The following TTC6 variants were observed in gnomAD, a reference collection of about 807,000 sequenced individuals.
TTC6 encodes tetratricopeptide repeat protein 6.
In TTC6, 172 loss-of-function variants were observed where a neutral mutation model predicts 210.4. That is an observed-to-expected ratio of 0.82 (90% confidence interval 0.72 to 0.93). The LOEUF (loss-of-function observed/expected upper bound fraction) is 0.93, where lower values mean the gene tolerates loss of function less well. Among genes scored for constraint, TTC6 ranks in the 40% least tolerant of loss-of-function variants. TTC6 has a pLI of 0.00. For synonymous variants in TTC6, 804 were observed against 819.6 expected (o/e 0.98, Z 0.32); for missense variants, 2,414 against 2,318.1 (o/e 1.04, Z -0.85).
chr14:37,680,095 A>G, intron 1 of TTC6, 56 bp from the exon 4 acceptor site: 2 of 990,026 alleles, frequency 2.0e-6, no homozygotes, highest in South Asian at 3.1e-5. Flanking sequence ...ATAATGAATA[A>G]TGTGCTTCAA....
At chr14:37,714,932 C>G in intron 6 of TTC6, 136 bp downstream of exon 8, 1 of 773,134 alleles carries the variant, frequency 1.3e-6, no homozygotes, top group Non-Finnish European at 2.0e-6. Context: ...AATCCCAGAA[C>G]TTTGGGAGGA....
intron 1 of TTC6, among the ~76,000 whole-genome samples, chr14:37,632,371 C>G (rs921984056): frequency 4.6e-5 from 7 of 152,294 alleles, no homozygotes; most frequent in Non-Finnish European, 1.0e-4. Flanking sequence ...AACAGTGAAG[C>G]CTCCCTGCTG....
rs760489982 is a variant in TTC6, at chr14:37,823,996, G to A, written c.4974+39G>A. ...ATTTTGAGCATTAAAAGCATGTTTT[G>A]GGGAGAAAGAATATATTTGGCTCTT... is the stretch of plus-strand genomic sequence containing the variant. On this transcript the variant is annotated intron_variant, in intron 27 of 30. Transcript: ENST00000553443. The A allele has an allele frequency of 2.5e-6, 4 of 1,578,934 alleles. No individual in the cohort carries two copies. The African/African-American group carries it at 4.1e-5, about 16-fold the overall frequency.
chr14:37,660,390 C>A (rs1253776473), intron 1 of TTC6, among the ~76,000 whole-genome samples: 3 of 152,146 alleles, frequency 2.0e-5, no homozygotes, highest in Non-Finnish European at 2.9e-5. Flanking sequence ...CCACACCTCA[C>A]CCCTGGACAG....
At chr14:37,799,425 C>A (rs1164418041) in intron 20 of TTC6, among the ~76,000 whole-genome samples, 1 of 152,130 alleles carries the variant, frequency 6.6e-6, no homozygotes, top group Admixed American at 6.6e-5. Flanking sequence ...CTGCTGCTCA[C>A]CACAATCTGG....
At chr14:37,792,480 A>C in intron 17 of TTC6, 66 bp downstream of exon 19, 1 of 1,267,494 alleles carries the variant, frequency 7.9e-7, no homozygotes, top group Non-Finnish European at 1.0e-6. Context: ...TTTGTTCAAC[A>C]TAATTTTAAT....
At chr14:37,815,979 T>C (rs2096140555) in intron 25 of TTC6, among the ~76,000 whole-genome samples, 1 of 151,972 alleles carries the variant, frequency 6.6e-6, no homozygotes, top group African/African-American at 2.4e-5. Flanking sequence ...ATGGTCATCC[T>C]TGAAACTTCC....
At chr14:37,684,724 A>G (rs2095790568) in intron 3 of TTC6, among the ~76,000 whole-genome samples, 1 of 152,196 alleles carries the variant, frequency 6.6e-6, no homozygotes, top group African/African-American at 2.4e-5. Context: ...ATCAGTTGTT[A>G]TCCATGAACT....
intron 1 of TTC6, among the ~76,000 whole-genome samples, chr14:37,657,177 A>C (rs1358613660): frequency 1.5e-5 from 2 of 132,376 alleles, no homozygotes; most frequent in Non-Finnish European, 3.1e-5. Flanking sequence ...GCGCAGTTGT[A>C]CTCCAGCCTG....
upstream of TTC6, among the ~76,000 whole-genome samples, chr14:37,618,330 G>GCTCAGGC (rs1362160229): frequency 2.6e-5 from 4 of 152,156 alleles, no homozygotes; most frequent in African/African-American, 7.2e-5. Flanking sequence ...CTGCTTCACT[G>GCTCAGGC]CTCAGGCCTT....
intron 7 of TTC6, among the ~76,000 whole-genome samples, chr14:37,725,352 ATATAT>A (rs2095870748): frequency 8.0e-6 from 1 of 125,540 alleles, no homozygotes; most frequent in Non-Finnish European, 1.7e-5. Flanking sequence ...ATATATATAT[ATATAT>A]AATTTTTTTT....
At chr14:37,628,416 A>G (rs1595032089) in intron 1 of TTC6, among the ~76,000 whole-genome samples, 1 of 152,176 alleles carries the variant, frequency 6.6e-6, no homozygotes, top group East Asian at 1.9e-4. Flanking sequence ...TCTTTTGAGA[A>G]GTGTCTGTTC....
At chr14:37,630,907 G>GTTTTTTTTTTT (rs746429138) in intron 1 of TTC6, among the ~76,000 whole-genome samples, 2 of 33,070 alleles carry the variant, frequency 6.0e-5, no homozygotes, top group South Asian at 1.3e-3. Context: ...GGCAACCCCT[G>GTTTTTTTTTTT]TTTTTTTTTT....
intron 20 of TTC6, among the ~76,000 whole-genome samples, chr14:37,804,249 A>C (rs1401640823): frequency 2.6e-5 from 4 of 152,240 alleles, no homozygotes; most frequent in Admixed American, 6.5e-5. Context: ...TAAAAAATGG[A>C]TTAAAATTAT....
intron 14 of TTC6, among the ~76,000 whole-genome samples, chr14:37,761,796 G>A (rs1036193915): frequency 1.5e-4 from 23 of 152,090 alleles, no homozygotes; most frequent in Non-Finnish European, 5.9e-5. Context: ...AGTATTATGT[G>A]CTGTTGCATG....
At chr14:37,806,273 C>A in intron 21 of TTC6, 88 bp from the exon 24 acceptor site, 4 of 1,297,704 alleles carry the variant, frequency 3.1e-6, no homozygotes, top group Non-Finnish European at 4.1e-6. Flanking sequence ...AACTTTTCAA[C>A]AATAATTATA....
intron 3 of TTC6, among the ~76,000 whole-genome samples, chr14:37,685,622 T>C (rs2095792206): frequency 6.6e-6 from 1 of 152,194 alleles, no homozygotes; most frequent in South Asian, 2.1e-4. Context: ...CTTTGTGTCT[T>C]TTAAATCTGA....
rs139750745 is a variant in TTC6 at position 37,724,525 on chromosome 14, T to C, written c.1714-373T>C. Among the ~76,000 whole-genome samples the C allele has an allele frequency of 1.3e-5, 2 of 152,272 alleles. 1 individual carries two copies. The highest frequency in any genetic ancestry group is 4.8e-5 in the African/African-American group (2 of 41,554). ...TAATGGACATTTAGATTTGGTTTAA[T>C]TTTTTATTTCATATGCTCTGTGAAT... On this transcript the variant is annotated intron_variant, in intron 6 of 30. Transcript: ENST00000553443.
At position 37,748,937 on chromosome 14, in the gene TTC6, A is replaced by C; in HGVS notation, c.2364-2A>C. 6.9e-7 allele frequency: 1 copy of C among 1,451,314 alleles called. No homozygotes were observed. Among genetic ancestry groups the C allele is most frequent in the Non-Finnish European group, 9.0e-7 (1 of 1,108,282 alleles). 89.9% of individuals were successfully genotyped at this position (1,451,314 alleles called of 1,614,324 possible). On this transcript the variant is annotated splice_acceptor_variant, in intron 10 of 30. Coordinates refer to ENST00000553443, the Ensembl canonical transcript of TTC6. LOFTEE classifies it high-confidence loss of function. The stretch of plus-strand genomic sequence containing the variant: ...TAAAAAAATCACTCTTTTAAAAACT[A>C]GATCAGCATCTCATGGAATACTTCC...
Sources: allele counts gnomAD v4.1 joint callset (sites outside exome capture counted in the v4.1 genomes callset), GRCh38; gene constraint gnomAD v4.1.1; transcripts MANE v1.5; gene names NCBI Gene and HGNC (gene_info 2026-07-23, HGNC 2026-07-21).